The following DLGAP1 variants were observed in gnomAD, a reference collection of about 807,000 sequenced individuals.
The protein encoded by DLGAP1 is DLG associated protein 1, also known as disks large-associated protein 1.
Under a neutral mutation model 90.8 loss-of-function variants are expected in DLGAP1, and 11 were observed. That is an observed-to-expected ratio of 0.12 (90% confidence interval 0.08 to 0.20). The LOEUF is 0.20. DLGAP1 is among the 10% of genes least tolerant of loss of function. DLGAP1 has a pLI of 1.00. For missense variants in DLGAP1, 1,050 were observed against 1,333.8 expected (o/e 0.79, Z 3.31); for synonymous variants, 558 against 540.7 (o/e 1.03, Z -0.44).
At chr18:4,026,974 T>C (rs147696615) in intron 2 of DLGAP1, among the ~76,000 whole-genome samples, 19 of 152,080 alleles carry the variant, frequency 1.2e-4, no homozygotes, top group East Asian at 1.2e-3. Context: ...TATGCAGAAG[T>C]AGAGAGCACC....
At chr18:4,067,833 A>G (rs2075391457) in intron 2 of DLGAP1, among the ~76,000 whole-genome samples, 1 of 151,940 alleles carries the variant, frequency 6.6e-6, no homozygotes, top group Non-Finnish European at 1.5e-5. Flanking sequence ...CCCTTTCCTG[A>G]CCGAATCAAT....
At chr18:3,588,862 T>C (rs1375476411) in intron 7 of DLGAP1, among the ~76,000 whole-genome samples, 1 of 151,766 alleles carries the variant, frequency 6.6e-6, no homozygotes, top group African/African-American at 2.4e-5. Context: ...AGCTAGCTCA[T>C]GATTGAATAT....
intron 2 of DLGAP1, among the ~76,000 whole-genome samples, chr18:4,011,953 A>G (rs571514922): frequency 6.6e-6 from 1 of 152,334 alleles, no homozygotes; most frequent in Non-Finnish European, 1.5e-5. Context: ...AAATGTGATG[A>G]GACCTGTATC....
chr18:4,144,145 CA>C (rs2144336201), intron 2 of DLGAP1, among the ~76,000 whole-genome samples: 1 of 152,302 alleles, frequency 6.6e-6, no homozygotes, highest in East Asian at 1.9e-4. Flanking sequence ...ACGCCAACCC[CA>C]CTGGCTCCGA....
At chr18:4,345,461 T>C (rs2081286284) in intron 1 of DLGAP1, among the ~76,000 whole-genome samples, 1 of 152,208 alleles carries the variant, frequency 6.6e-6, no homozygotes. Context: ...GATTTGCATA[T>C]AGATACTCAC....
At chr18:4,207,882 T>C (rs1243552619) in intron 1 of DLGAP1, among the ~76,000 whole-genome samples, 1 of 152,220 alleles carries the variant, frequency 6.6e-6, no homozygotes, top group African/African-American at 2.4e-5. Flanking sequence ...ATCATTTATG[T>C]GTGTGGAGCA....
intron 1 of DLGAP1, among the ~76,000 whole-genome samples, chr18:4,347,040 AAAATG>A (rs1014399173): frequency 5.9e-5 from 9 of 152,206 alleles, no homozygotes; most frequent in Admixed American, 5.9e-4. Context: ...AAAAAAAGAT[AAAATG>A]AAATAAGTAG....
At chr18:3,782,364 T>C (rs2065239949) in intron 5 of DLGAP1, among the ~76,000 whole-genome samples, 2 of 152,226 alleles carry the variant, frequency 1.3e-5, no homozygotes, top group Non-Finnish European at 2.9e-5. Context: ...CTCGAACTCC[T>C]GACCTCAAGT....
intron 2 of DLGAP1, among the ~76,000 whole-genome samples, chr18:4,118,520 G>C (rs965952453): frequency 1.3e-5 from 2 of 152,180 alleles, no homozygotes; most frequent in African/African-American, 4.8e-5. Flanking sequence ...TAGAAGTTAG[G>C]TGGAGGAAAG....
In DLGAP1 at chr18:3,882,483, C is replaced by T. The variant is rs143580260; in HGVS notation, c.-72-2343G>A. On this transcript the variant is annotated intron_variant, in intron 3 of 12. Transcript: ENST00000315677. ...TTGAGGTTGCAATGAGTTGTGAATG[C>T]ACCGCTATACTTCAGCCTGGGTGAC... is the stretch of plus-strand genomic sequence containing the variant. Among the ~76,000 whole-genome samples the T allele has an allele frequency of 1.0e-3, 152 of 149,740 alleles. 1 individual carries two copies. Among genetic ancestry groups the T allele is most frequent in the African/African-American group, 3.5e-3 (142 of 40,506 alleles).
intron 3 of DLGAP1, among the ~76,000 whole-genome samples, chr18:3,950,396 A>G (rs1483046151): frequency 6.6e-6 from 1 of 152,222 alleles, no homozygotes; most frequent in African/African-American, 2.4e-5. Context: ...GGAACAACAG[A>G]GTGTGCCAGT....
At chr18:4,155,952 T>A (rs1402298502) in intron 1 of DLGAP1, among the ~76,000 whole-genome samples, 1 of 152,150 alleles carries the variant, frequency 6.6e-6, no homozygotes, top group East Asian at 1.9e-4. Context: ...CAACATTTGC[T>A]CCGACTCGGG....
At position 3,497,824 on chromosome 18, in the gene DLGAP1, C is replaced by G. The variant is rs1441554504; in HGVS notation, c.*1361G>C. 1 of 152,238 alleles carries G rather than the reference C, an allele frequency of 6.6e-6. No homozygotes were observed. The highest frequency in any genetic ancestry group is 1.5e-5 in the Non-Finnish European group (1 of 68,042). The allele number at this position is 152,238 out of a possible 1,614,324, so 9.4% of individuals were successfully genotyped here. A position where few individuals can be genotyped will look rare whatever the true frequency, so the allele number is the denominator to read the frequency against. On this transcript the variant is annotated 3_prime_UTR_variant, in exon 13 of 13. Coordinates refer to ENST00000315677, the MANE Select transcript of DLGAP1 (RefSeq NM_004746.4). ...CACTCTCTGCCAAAAGCCTTGACTT[C>G]TTTCAGTGTTTATGAATCATGACTC...
intron 3 of DLGAP1, 125 bp from the exon 4 acceptor site, chr18:3,880,265 C>CCT: frequency 1.6e-6 from 1 of 609,868 alleles, no homozygotes; most frequent in Admixed American, 2.9e-5. Flanking sequence ...CTTCCTGCAG[C>CCT]CTCCACATCC....
chr18:3,723,584 G>C (rs2062053583), intron 7 of DLGAP1, among the ~76,000 whole-genome samples: 1 of 152,080 alleles, frequency 6.6e-6, no homozygotes, highest in African/African-American at 2.4e-5. Flanking sequence ...TGGGGAGCAA[G>C]GTGTGTGGGA....
chr18:3,640,375 A>G (rs1454776054), intron 7 of DLGAP1, among the ~76,000 whole-genome samples: 1 of 152,230 alleles, frequency 6.6e-6, no homozygotes, highest in Non-Finnish European at 1.5e-5. Context: ...ATGCAATAAT[A>G]GTATACCATC....
intron 1 of DLGAP1, among the ~76,000 whole-genome samples, chr18:4,306,033 T>TACACACAGACACACAC (rs1184185219): frequency 2.8e-5 from 4 of 142,204 alleles, no homozygotes; most frequent in Admixed American, 2.1e-4. Context: ...CACACACAAA[T>TACACACAGACACACAC]ACACACACAC....
Position 3,879,385 on chromosome 18 carries a change from G to A in DLGAP1, c.684C>T (p.Pro228=), listed in dbSNP as rs1354475581. ...PSGVMTMGRC[P]DRSASQYFLE... ...GGAAGTACTGTGAGGCCGAGCGGTC[G>A]GGGCACCTGCCCATGGTCATCACGC... The change falls in exon 4 of 13, where the codon CCC becomes CCT. Residue 228 remains proline, a synonymous_variant. Transcript: ENST00000315677. The surrounding 1 kb of genome is among the most constrained non-coding windows in gnomAD (Gnocchi z 6.6). The A allele has an allele frequency of 3.1e-6, 5 of 1,613,096 alleles. No individual in the cohort carries two copies. In the African/African-American group the frequency reaches 4.0e-5, roughly 13 times the overall value.
At chr18:3,640,197 A>G (rs1484293712) in intron 7 of DLGAP1, among the ~76,000 whole-genome samples, 1 of 152,156 alleles carries the variant, frequency 6.6e-6, no homozygotes, top group Non-Finnish European at 1.5e-5. Flanking sequence ...ATATAAATAA[A>G]TACAGGGGTA....
Sources: gnomAD v4.1 joint callset for allele counts (sites outside exome capture counted in the v4.1 genomes callset) on GRCh38, gnomAD v4.1.1 for gene constraint, Gnocchi (gnomAD v3.1) non-coding constraint, MANE v1.5 for transcripts, NCBI Gene and HGNC (gene_info 2026-07-23, HGNC 2026-07-21) for gene names.